The following TRPM6 variants were observed in gnomAD, a reference collection of about 807,000 sequenced individuals.
The protein encoded by TRPM6 is channel kinase 2.
TRPM6 carries 111 observed loss-of-function variants against 247.6 expected under a neutral mutation model. The observed-to-expected ratio is 0.45, with a 90% CI of 0.38 to 0.52. The LOEUF (loss-of-function observed/expected upper bound fraction) is 0.52, where lower values mean the gene tolerates loss of function less well. Among genes scored for constraint, TRPM6 ranks in the 20% least tolerant of loss-of-function variants. TRPM6 has a pLI of 0.00. For synonymous variants in TRPM6, 892 were observed against 853.8 expected (o/e 1.04, Z -0.78); for missense variants, 2,126 against 2,421.5 (o/e 0.88, Z 2.56).
intron 23 of TRPM6, 45 bp from the exon 24 acceptor site, chr9:74,776,121 T>C (rs1226439897): frequency 7.2e-6 from 11 of 1,532,242 alleles, no homozygotes; most frequent in Non-Finnish European, 9.0e-6. Context: ...ATATGAAGTC[T>C]TGAAAGGTAA....
In TRPM6 at chr9:74,817,437, G is replaced by A. The variant is rs185419561; in HGVS notation, c.1135-473C>T. On this transcript the variant is annotated intron_variant, in intron 9 of 38. Transcript: ENST00000360774. ...ATTTCCTGGGCTCAGGCGATCCTCC[G>A]GTCTCAGCCTCCCAAAGTGCTGGGA... 1.2e-4 allele frequency among the ~76,000 whole-genome samples: 18 copies of A among 152,116 alleles called. No homozygotes were observed. The East Asian group carries it at 1.5e-3, about 13-fold the overall frequency.
intron 1 of TRPM6, among the ~76,000 whole-genome samples, chr9:74,876,381 C>A (rs933944621): frequency 3.3e-5 from 5 of 152,198 alleles, no homozygotes; most frequent in Non-Finnish European, 5.9e-5. Flanking sequence ...CCGCACCCAG[C>A]CAGGGTAACA....
At chr9:74,748,632 A>C (rs1382677598) in intron 30 of TRPM6, among the ~76,000 whole-genome samples, 2 of 152,230 alleles carry the variant, frequency 1.3e-5, no homozygotes, top group Non-Finnish European at 2.9e-5. Flanking sequence ...ATTTAAAATC[A>C]GAAAATGGCT....
intron 3 of TRPM6, among the ~76,000 whole-genome samples, chr9:74,853,117 C>G (rs989478006): frequency 4.8e-5 from 7 of 146,706 alleles, no homozygotes; most frequent in Non-Finnish European, 7.5e-5. Flanking sequence ...CGTCTGGGAA[C>G]TGAGGAGTGT....
chr9:74,813,242 C>T (rs949357284), intron 11 of TRPM6, among the ~76,000 whole-genome samples: 1 of 152,162 alleles, frequency 6.6e-6, no homozygotes, highest in Middle Eastern at 3.4e-3. Flanking sequence ...TCTACAAGGA[C>T]AAGGAGGACA....
intron 19 of TRPM6, 137 bp downstream of exon 19, chr9:74,792,487 A>C (rs1210171444): frequency 1.1e-6 from 1 of 911,014 alleles, no homozygotes; most frequent in African/African-American, 1.6e-5. Flanking sequence ...TTTGCTACCT[A>C]CTTTGTCATG....
intron 14 of TRPM6, among the ~76,000 whole-genome samples, chr9:74,805,444 C>T (rs572865783): frequency 1.3e-5 from 2 of 152,294 alleles, no homozygotes; most frequent in African/African-American, 4.8e-5. Flanking sequence ...AAATTACTCC[C>T]TCATTACTGA....
intron 21 of TRPM6, among the ~76,000 whole-genome samples, chr9:74,785,552 TC>T (rs1322950653): frequency 6.6e-6 from 1 of 152,026 alleles, no homozygotes; most frequent in Non-Finnish European, 1.5e-5. Context: ...AGATGGAGTC[TC>T]GCTCTGTCGC....
chr9:74,824,442 A>C (rs11144101), intron 7 of TRPM6, among the ~76,000 whole-genome samples: 67,729 of 147,016 alleles, frequency 0.46, 17,780 homozygotes, highest in East Asian at 0.8. Context: ...GTGAGCCACC[A>C]CACCTGGCCC....
At chr9:74,811,898 G>T (rs1828742042) in intron 12 of TRPM6, among the ~76,000 whole-genome samples, 2 of 152,192 alleles carry the variant, frequency 1.3e-5, no homozygotes. Flanking sequence ...GGAGAAGAGT[G>T]CAGAAGGGAG....
At chr9:74,841,645 C>T (rs1159991220) in intron 4 of TRPM6, among the ~76,000 whole-genome samples, 1 of 152,052 alleles carries the variant, frequency 6.6e-6, no homozygotes, top group Non-Finnish European at 1.5e-5. Flanking sequence ...GCTGGGATTA[C>T]AGGCCTGTGC....
At chr9:74,738,853 A>C (rs1055204756) in intron 35 of TRPM6, among the ~76,000 whole-genome samples, 1 of 151,946 alleles carries the variant, frequency 6.6e-6, no homozygotes, top group Admixed American at 6.6e-5. Flanking sequence ...ACCAGACCCA[A>C]CTCTTCTTGC....
chr9:74,758,447 T>C (rs1398215060), intron 27 of TRPM6, among the ~76,000 whole-genome samples: 5 of 152,130 alleles, frequency 3.3e-5, no homozygotes, highest in Non-Finnish European at 7.4e-5. Flanking sequence ...TTTATCCCAG[T>C]AAGGTAATTT....
chr9:74,742,482 C>T (rs1273263079), intron 33 of TRPM6, 79 bp downstream of exon 33: 1 of 1,348,852 alleles, frequency 7.4e-7, no homozygotes, highest in Admixed American at 1.7e-5. Context: ...TAAAATAATG[C>T]AATGTGGTTT....
At chr9:74,786,475 C>T (rs954630522) in intron 20 of TRPM6, among the ~76,000 whole-genome samples, 3 of 152,216 alleles carry the variant, frequency 2.0e-5, no homozygotes, top group African/African-American at 4.8e-5. Context: ...CGCGGTGGCT[C>T]ATGCCTGTAA....
chr9:74,741,169 C>T (rs1825851652), intron 33 of TRPM6, among the ~76,000 whole-genome samples: 1 of 152,096 alleles, frequency 6.6e-6, no homozygotes, highest in Non-Finnish European at 1.5e-5. Flanking sequence ...ACATAGCTTC[C>T]ACTTTTAGGC....
At chr9:74,819,657 C>G (rs1419117195) in intron 9 of TRPM6, among the ~76,000 whole-genome samples, 1 of 152,144 alleles carries the variant, frequency 6.6e-6, no homozygotes, top group African/African-American at 2.4e-5. Context: ...TTCCCATTGT[C>G]CAGTACATTC....
rs1263468898 is a variant in TRPM6, at chr9:74,739,896, G to A, written c.5314C>T (p.Arg1772Ter). 2 of 1,613,974 alleles carry A rather than the reference G, an allele frequency of 1.2e-6. No homozygotes were observed. Among genetic ancestry groups the A allele is most frequent in the Non-Finnish European group, 1.7e-6 (2 of 1,180,002 alleles). The change falls in exon 34 of 39, where the codon CGA becomes TGA. Residue 1772 changes from arginine (R) to a stop codon, truncating the protein, a stop_gained. Transcript: ENST00000360774. LOFTEE classifies it high-confidence loss of function. ...CGGAGGCCCCCATCCATCTCCTCTC[G>A]GGACAATACCTGGATCATTGCCGCT... ...GRAAMIQVLS[R>*]EEMDGGLRKA...
At chr9:74,832,789 G>A (rs1371807160) in intron 6 of TRPM6, among the ~76,000 whole-genome samples, 12 of 152,140 alleles carry the variant, frequency 7.9e-5, no homozygotes, top group African/African-American at 2.7e-4. Flanking sequence ...GGTGGCTCAC[G>A]CCTGTAATCC....
Sources: allele counts gnomAD v4.1 joint callset (sites outside exome capture counted in the v4.1 genomes callset), GRCh38; gene constraint gnomAD v4.1.1; transcripts MANE v1.5; gene names NCBI Gene and HGNC (gene_info 2026-07-23, HGNC 2026-07-21).